The following MAP2K1 variants were observed in gnomAD, a reference collection of about 807,000 sequenced individuals.
MAP2K1 encodes mitogen-activated protein kinase kinase 1.
In MAP2K1, 16 loss-of-function variants were observed where a neutral mutation model predicts 46.3. That is an observed-to-expected ratio of 0.35 (90% CI 0.23 to 0.52). The LOEUF is 0.52. Among genes scored for constraint, MAP2K1 ranks in the 20% least tolerant of loss-of-function variants. The probability of loss-of-function intolerance (pLI) is 0.94; values close to 1 mark genes in which losing one functional copy is unlikely to be tolerated. For missense variants in MAP2K1, 263 were observed against 497.1 expected (o/e 0.53, Z 4.48); for synonymous variants, 183 against 185.6 (o/e 0.99, Z 0.11).
intron 1 of MAP2K1, among the ~76,000 whole-genome samples, chr15:66,414,509 G>C (rs2093419981): frequency 6.6e-6 from 1 of 152,194 alleles, no homozygotes. Context: ...TCACCTCTTG[G>C]AATCAGGGCA....
chr15:66,428,686 C>G (rs183434081), intron 1 of MAP2K1, among the ~76,000 whole-genome samples: 7 of 152,094 alleles, frequency 4.6e-5, no homozygotes, highest in Admixed American at 3.3e-4. Context: ...TCACACACCC[C>G]CTCTTAGTTA....
At chr15:66,466,780 A>G (rs1050838718) in intron 5 of MAP2K1, among the ~76,000 whole-genome samples, 11 of 152,222 alleles carry the variant, frequency 7.2e-5, no homozygotes, top group African/African-American at 2.4e-4. Context: ...TAAGCAAAAA[A>G]ATAAAAAAGA....
chr15:66,424,800 T>TC (rs2093453055), intron 1 of MAP2K1, among the ~76,000 whole-genome samples: 1 of 140,264 alleles, frequency 7.1e-6, no homozygotes, highest in South Asian at 2.5e-4. Flanking sequence ...TCTTTTTTTT[T>TC]TTTTTTTTTT....
intron 1 of MAP2K1, among the ~76,000 whole-genome samples, chr15:66,404,521 G>A (rs2140529629): frequency 6.6e-6 from 1 of 152,304 alleles, no homozygotes; most frequent in East Asian, 1.9e-4. Flanking sequence ...TAGCCATAAA[G>A]GTAGCTTGCT....
intron 1 of MAP2K1, among the ~76,000 whole-genome samples, chr15:66,387,888 C>T (rs552961252): frequency 1.5e-4 from 23 of 152,184 alleles, no homozygotes; most frequent in Non-Finnish European, 3.1e-4. Flanking sequence ...TGCCTGACAC[C>T]TGTGGGGCCT....
At chr15:66,404,686 G>A (rs1365465249) in intron 1 of MAP2K1, among the ~76,000 whole-genome samples, 6 of 152,186 alleles carry the variant, frequency 3.9e-5, no homozygotes, top group Non-Finnish European at 7.3e-5. Flanking sequence ...CAGGTGTTTC[G>A]GTTACGTTGA....
intron 1 of MAP2K1, among the ~76,000 whole-genome samples, chr15:66,419,534 T>A (rs1048273533): frequency 4.6e-5 from 7 of 151,606 alleles, no homozygotes; most frequent in Admixed American, 6.6e-5. Flanking sequence ...AAAAAAAAAA[T>A]TTCATATGCG....
chr15:66,481,694 C>T, intron 5 of MAP2K1, 61 bp from the exon 6 acceptor site: 1 of 1,588,894 alleles, frequency 6.3e-7, no homozygotes, highest in African/African-American at 1.3e-5. Context: ...GAATGCTGAT[C>T]CTTCTCTTCC....
intron 1 of MAP2K1, among the ~76,000 whole-genome samples, chr15:66,408,265 C>A (rs1218248671): frequency 6.6e-6 from 1 of 152,218 alleles, no homozygotes; most frequent in Non-Finnish European, 1.5e-5. Flanking sequence ...AGTGACGGGG[C>A]TCTTCAGCTG....
intron 1 of MAP2K1, among the ~76,000 whole-genome samples, chr15:66,424,791 CT>C (rs58738231): frequency 0.082 from 6,728 of 81,884 alleles, 158 homozygotes; most frequent in Middle Eastern, 0.11. Flanking sequence ...CAATCTCAAT[CT>C]TTTTTTTTTT....
chr15:66,476,606 C>T (rs539730508), intron 5 of MAP2K1, among the ~76,000 whole-genome samples: 47 of 152,144 alleles, frequency 3.1e-4, no homozygotes, highest in African/African-American at 1.0e-3. Flanking sequence ...GATGTGGAGA[C>T]GTGTTGTGGT....
At chr15:66,475,551 A>T (rs1042284435) in intron 5 of MAP2K1, among the ~76,000 whole-genome samples, 1 of 151,904 alleles carries the variant, frequency 6.6e-6, no homozygotes, top group African/African-American at 2.4e-5. Context: ...ACCGTCTTCC[A>T]TCTTGCCTTA....
chr15:66,461,774 C>T (rs535835172), intron 5 of MAP2K1, among the ~76,000 whole-genome samples: 1 of 152,292 alleles, frequency 6.6e-6, no homozygotes, highest in Admixed American at 6.5e-5. Flanking sequence ...CCACTGTGTC[C>T]TCTCCCTTTA....
intron 1 of MAP2K1, among the ~76,000 whole-genome samples, chr15:66,425,790 T>C (rs1166767332): frequency 6.6e-6 from 1 of 152,238 alleles, no homozygotes. Flanking sequence ...GGTACTATTT[T>C]GTTCACTTAC....
chr15:66,397,161 C>T (rs1440626708), intron 1 of MAP2K1, among the ~76,000 whole-genome samples: 2 of 151,996 alleles, frequency 1.3e-5, no homozygotes, highest in African/African-American at 2.4e-5. Flanking sequence ...CCTGCCACCA[C>T]GCCCGGCTAA....
At chr15:66,431,940 G>A (rs995709158) in intron 1 of MAP2K1, among the ~76,000 whole-genome samples, 1 of 152,156 alleles carries the variant, frequency 6.6e-6, no homozygotes, top group Non-Finnish European at 1.5e-5. Context: ...GTGAGAACAT[G>A]CGGTATTTGG....
chr15:66,486,829 A>G (rs8026833), intron 7 of MAP2K1, among the ~76,000 whole-genome samples: 135,550 of 152,172 alleles, frequency 0.89, 60,600 homozygotes, highest in African/African-American at 0.97. Context: ...GAGGCTCGCC[A>G]GTGACTCTAG....
At chr15:66,420,484 T>C (rs1222729728) in intron 1 of MAP2K1, among the ~76,000 whole-genome samples, 1 of 149,974 alleles carries the variant, frequency 6.7e-6, no homozygotes, top group African/African-American at 2.5e-5. Context: ...GCCTGGGAGA[T>C]CAAGGCTGCA....
intron 6 of MAP2K1, 135 bp from the exon 7 acceptor site, chr15:66,484,855 G>A: frequency 1.2e-6 from 1 of 824,228 alleles, no homozygotes; most frequent in Admixed American, 1.7e-5. Context: ...GTAGGCAGGA[G>A]GCCAAATTCA....
Sources: allele counts gnomAD v4.1 joint callset (sites outside exome capture counted in the v4.1 genomes callset), GRCh38; gene constraint gnomAD v4.1.1; transcripts MANE v1.5; gene names NCBI Gene and HGNC (gene_info 2026-07-23, HGNC 2026-07-21).